PPP1CB: variants seen among roughly 807,000 people sequenced by gnomAD.
PPP1CB encodes protein phosphatase 1 catalytic subunit beta, also known as serine/threonine-protein phosphatase PP1-beta catalytic subunit.
Under a neutral mutation model 43.7 loss-of-function variants are expected in PPP1CB, and 2 were observed. That is an observed-to-expected ratio of 0.05 (90% confidence interval 0.02 to 0.14). The LOEUF is 0.14. PPP1CB is among the 10% of genes least tolerant of loss of function. The pLI, the probability that PPP1CB is intolerant of heterozygous loss-of-function variation, is 1.00. For synonymous variants in PPP1CB, 136 were observed against 135.6 expected (o/e 1.00, Z -0.02); for missense variants, 84 against 398.0 (o/e 0.21, Z 6.71).
chr2:28,786,101 A>T (rs887648528), intron 5 of PPP1CB, among the ~76,000 whole-genome samples: 3 of 152,130 alleles, frequency 2.0e-5, no homozygotes, highest in South Asian at 4.1e-4. Flanking sequence ...AGCTCATTAA[A>T]CAATAAATCT....
chr2:28,798,692 C>T (rs1325533207), intron 7 of PPP1CB, among the ~76,000 whole-genome samples: 1 of 151,964 alleles, frequency 6.6e-6, no homozygotes, highest in African/African-American at 2.4e-5. Flanking sequence ...ATGTGGAGAG[C>T]AGGAATGGGG....
At chr2:28,767,953 C>G (rs114670808) in intron 1 of PPP1CB, among the ~76,000 whole-genome samples, 1,767 of 152,192 alleles carry the variant, frequency 0.012, 41 homozygotes, top group African/African-American at 0.041. Flanking sequence ...AGTCAGGAAA[C>G]CTTGGTGCTC....
At chr2:28,775,514 T>A (rs931869087) in intron 1 of PPP1CB, among the ~76,000 whole-genome samples, 1 of 152,082 alleles carries the variant, frequency 6.6e-6, no homozygotes, top group Non-Finnish European at 1.5e-5. Flanking sequence ...CTCAAGCAAT[T>A]CTCTACTATG....
chr2:28,766,860 T>A (rs1346530164), intron 1 of PPP1CB, among the ~76,000 whole-genome samples: 1 of 152,162 alleles, frequency 6.6e-6, no homozygotes, highest in Admixed American at 6.5e-5. Context: ...GGCAGGCAGA[T>A]CACGAGGTCA....
Position 28,752,246 on chromosome 2 carries a change from C to T in PPP1CB, c.52+70C>T, listed in dbSNP as rs112405945. 155 of 1,355,312 alleles carry T rather than the reference C, an allele frequency of 1.1e-4. 4 individuals carry two copies. The African/African-American group carries it at 1.8e-3, about 16-fold the overall frequency. 84.0% of individuals were successfully genotyped at this position (1,355,312 alleles called of 1,614,324 possible). On this transcript the variant is annotated intron_variant, in intron 1 of 7. Transcript: ENST00000395366. ...CCGCCGACCCCTGCGTCCCCGTCTG[C>T]CGCCGGAACGCGAGGGGACCCCTTT...
At position 28,794,123 on chromosome 2, in the gene PPP1CB, C is replaced by T. The variant is rs112724602; in HGVS notation, c.879+126C>T. The T allele has an allele frequency of 3.9e-3, 2,745 of 699,412 alleles. 54 individuals are homozygous for T. The African/African-American group carries it at 0.042, about 11-fold the overall frequency. 43.3% of individuals were successfully genotyped at this position (699,412 alleles called of 1,614,324 possible). ...GTCTGTTTAATTCAGAAGTGATTAC[C>T]ACTCAAACTCATTAGATATTTCTAT... On this transcript the variant is annotated intron_variant, in intron 7 of 7. Coordinates refer to ENST00000395366, the MANE Select transcript of PPP1CB (RefSeq NM_002709.3).
rs55736905 is a variant in PPP1CB, at chr2:28,800,226, C to CTTTTTTTTTTTTTTTTTTTTTTTCTTTTT, written c.*946_*947insCTTTTTTTTTTTTTTTTTTTTTTTTTTTT. 4.6e-5 allele frequency: 3 copies of CTTTTTTTTTTTTTTTTTTTTTTTCTTTTT among 65,630 alleles called. No individual in the cohort carries two copies. The highest frequency in any genetic ancestry group is 6.3e-5 in the African/African-American group (1 of 15,762). 4.1% of individuals were successfully genotyped at this position (65,630 alleles called of 1,614,324 possible). On this transcript the variant is annotated 3_prime_UTR_variant, in exon 8 of 8. Transcript: ENST00000395366. ...TTGGTTTTCTTTTTCTTTTTTCTTT[C>CTTTTTTTTTTTTTTTTTTTTTTTCTTTTT]TTTTTTTTTTTTTTTTTTTTTTTGA...
Position 28,778,795 on chromosome 2 carries a change from C to T in PPP1CB, c.185-14C>T. 1 of 1,529,194 alleles carries T rather than the reference C, an allele frequency of 6.5e-7. No homozygotes were observed. Among genetic ancestry groups the T allele is most frequent in the Non-Finnish European group, 9.0e-7 (1 of 1,106,710 alleles). The allele number at this position is 1,529,194 out of a possible 1,614,324, so 94.7% of individuals were successfully genotyped here. A position where few individuals can be genotyped will look rare whatever the true frequency, so the allele number is the denominator to read the frequency against. ...GTAACCAATTTTTCTAAAACTGACTCTTTCTCTTTTTAGGAGATATTCATG... is the reference window on the plus strand; with the variant it reads ...GTAACCAATTTTTCTAAAACTGACTTTTTCTCTTTTTAGGAGATATTCATG... On this transcript the variant is annotated splice_polypyrimidine_tract_variant and intron_variant, in intron 2 of 7. Coordinates refer to ENST00000395366, the MANE Select transcript of PPP1CB (RefSeq NM_002709.3).
intron 1 of PPP1CB, among the ~76,000 whole-genome samples, chr2:28,753,577 CTT>C (rs1215741682): frequency 1.3e-5 from 2 of 151,930 alleles, no homozygotes; most frequent in East Asian, 2.0e-4. Context: ...CTACCTAAGA[CTT>C]TGTTTCAGAT....
At chr2:28,755,413 T>C (rs1437644840) in intron 1 of PPP1CB, among the ~76,000 whole-genome samples, 7 of 152,234 alleles carry the variant, frequency 4.6e-5, no homozygotes, top group African/African-American at 1.2e-4. Context: ...AACAGAAATA[T>C]TGATTTTATT....
Position 28,751,912 on chromosome 2 carries a change from T to G in PPP1CB, c.-213T>G. The G allele has an allele frequency of 3.4e-6, 2 of 590,530 alleles. No individual in the cohort carries two copies. The highest frequency in any genetic ancestry group is 6.1e-6 in the Non-Finnish European group (2 of 326,116). The allele number at this position is 590,530 out of a possible 1,614,324, so 36.6% of individuals were successfully genotyped here. On this transcript the variant is annotated 5_prime_UTR_variant, in exon 1 of 8. In the 5' UTR this introduces an upstream ATG that the reference lacks. Transcript: ENST00000395366. ...GTTCGAGGGGGCCTCTCTTGTTTAT[T>G]TATTTATTTTCCGTGGGTGCCTCCG...
At chr2:28,791,938 T>C (rs1667396209) in intron 6 of PPP1CB, among the ~76,000 whole-genome samples, 1 of 152,008 alleles carries the variant, frequency 6.6e-6, no homozygotes, top group African/African-American at 2.4e-5. Context: ...AAAAGAAAAT[T>C]TGAAAGAATG....
chr2:28,752,569 A>G (rs1485611152), intron 1 of PPP1CB, among the ~76,000 whole-genome samples: 1 of 152,156 alleles, frequency 6.6e-6, no homozygotes, highest in Admixed American at 6.5e-5. Context: ...CGTCCGTGGA[A>G]TCACTGTTCT....
chr2:28,763,480 T>C (rs1190691020), intron 1 of PPP1CB, among the ~76,000 whole-genome samples: 1 of 152,056 alleles, frequency 6.6e-6, no homozygotes, highest in African/African-American at 2.4e-5. Context: ...ATTCCTGAAA[T>C]GTCTAGCCCT....
chr2:28,792,515 C>T (rs1343682274), intron 6 of PPP1CB, among the ~76,000 whole-genome samples: 1 of 152,076 alleles, frequency 6.6e-6, no homozygotes, highest in Non-Finnish European at 1.5e-5. Flanking sequence ...GAGCGAGACC[C>T]TGTCTCCACA....
chr2:28,773,794 A>T (rs1048524376), intron 1 of PPP1CB, among the ~76,000 whole-genome samples: 1 of 152,206 alleles, frequency 6.6e-6, no homozygotes, highest in African/African-American at 2.4e-5. Flanking sequence ...TCTAATTTCT[A>T]AAACTCTTGT....
chr2:28,799,327 C>T lies in PPP1CB; in HGVS notation c.*24C>T. ...GAAGAAAGGAATTCTGTAAAGAAAC[C>T]ATCAGATTTGTTAAGGACATACTTC... is the stretch of plus-strand genomic sequence containing the variant. On this transcript the variant is annotated 3_prime_UTR_variant, in exon 8 of 8. Coordinates refer to ENST00000395366, the MANE Select transcript of PPP1CB (RefSeq NM_002709.3). 2 of 1,537,512 alleles carry T rather than the reference C, an allele frequency of 1.3e-6. No homozygotes were observed. Among genetic ancestry groups the T allele is most frequent in the Non-Finnish European group, 9.0e-7 (1 of 1,111,344 alleles).
intron 1 of PPP1CB, among the ~76,000 whole-genome samples, chr2:28,761,836 G>A (rs538470614): frequency 6.6e-6 from 1 of 152,140 alleles, no homozygotes; most frequent in African/African-American, 2.4e-5. Flanking sequence ...GCTTGCTTTT[G>A]GCCAGGAACT....
intron 1 of PPP1CB, among the ~76,000 whole-genome samples, chr2:28,758,599 C>T (rs1452339101): frequency 5.3e-5 from 8 of 152,062 alleles, no homozygotes; most frequent in Non-Finnish European, 8.8e-5. Context: ...TAACCAGTAG[C>T]CAGTTTTTTC....
Sources: allele counts gnomAD v4.1 joint callset (sites outside exome capture counted in the v4.1 genomes callset), GRCh38; gene constraint gnomAD v4.1.1; transcripts MANE v1.5; gene names NCBI Gene and HGNC (gene_info 2026-07-23, HGNC 2026-07-21).